The following DTYMK variants were observed in gnomAD, a reference collection of about 807,000 sequenced individuals.
DTYMK encodes deoxythymidylate kinase, also known as thymidylate kinase.
Under a neutral mutation model 20.3 loss-of-function variants are expected in DTYMK, and 20 were observed. The observed-to-expected ratio is 0.99, with a 90% CI of 0.69 to 1.43. DTYMK has a LOEUF of 1.43. DTYMK is among the 40% of genes most tolerant of loss of function. DTYMK has a pLI of 0.00. For missense variants in DTYMK, 320 were observed against 291.1 expected, an observed-to-expected ratio of 1.10 and a Z score of -0.72; for synonymous variants, 148 against 124.4, an observed-to-expected ratio of 1.19 and a Z score of -1.27.
At position 241,676,208 on chromosome 2, in the gene DTYMK, AG is replaced by A; in HGVS notation, c.557del (p.Ala186ValfsTer136). 1 of 1,612,816 alleles carries A rather than the reference AG, an allele frequency of 6.2e-7. No homozygotes were observed. The highest frequency in any genetic ancestry group is 8.5e-7 in the Non-Finnish European group (1 of 1,179,648). On this transcript the variant is annotated frameshift_variant, in exon 5 of 5. Transcript: ENST00000305784. LOFTEE classifies it low-confidence loss of function (END_TRUNC). ...KMVDASKSIE[A>X]VHEDIRVLSE... is the part of the protein sequence containing the mutation. ...AGAGCACGCGGATGTCCTCATGGACAGCTTCGATGCTTTTGGAAGCATCCAC... is the reference window on the plus strand; with the variant it reads ...AGAGCACGCGGATGTCCTCATGGACACTTCGATGCTTTTGGAAGCATCCAC...
intron 4 of DTYMK, among the ~76,000 whole-genome samples, chr2:241,677,327 C>T (rs113050389): frequency 0.025 from 3,838 of 152,310 alleles, 202 homozygotes; most frequent in East Asian, 0.17. Flanking sequence ...CCAGAACCGC[C>T]CAAGATGAGC....
At chr2:241,684,914 C>T (rs2069344817) in intron 2 of DTYMK, among the ~76,000 whole-genome samples, 1 of 151,852 alleles carries the variant, frequency 6.6e-6, no homozygotes. Context: ...GCTCTACATA[C>T]TCTACTTTTT....
intron 2 of DTYMK, among the ~76,000 whole-genome samples, chr2:241,681,670 C>T (rs1186502121): frequency 6.6e-6 from 1 of 152,230 alleles, no homozygotes; most frequent in Non-Finnish European, 1.5e-5. Context: ...ACCAAAGGCA[C>T]AGCCCATGAG....
At chr2:241,684,814 C>T in intron 2 of DTYMK, 1 of 436,146 alleles carries the variant, frequency 2.3e-6, no homozygotes. Context: ...ACTAATGTAT[C>T]AATATTGGTT....
In DTYMK at chr2:241,675,979, G is replaced by A. The variant is rs1194448367; in HGVS notation, c.*148C>T. On this transcript the variant is annotated 3_prime_UTR_variant, in exon 5 of 5. Coordinates refer to ENST00000305784, the MANE Select transcript of DTYMK (RefSeq NM_012145.4). ...GGTCCCCAGTGCACCCCAGCTCCGGGGCAGAAGAGGCAGCCTGCAGATCTC... is the reference window on the plus strand; with the variant it reads ...GGTCCCCAGTGCACCCCAGCTCCGGAGCAGAAGAGGCAGCCTGCAGATCTC... The A allele has an allele frequency of 7.8e-6, 6 of 767,050 alleles. No individual in the cohort carries two copies. The highest frequency in any genetic ancestry group is 1.2e-5 in the Non-Finnish European group (6 of 503,364). The allele number at this position is 767,050 out of a possible 1,614,324, so 47.5% of individuals were successfully genotyped here. A position where few individuals can be genotyped will look rare whatever the true frequency, so the allele number is the denominator to read the frequency against.
Position 241,678,637 on chromosome 2 carries a change from C to A in DTYMK, c.343G>T (p.Asp115Tyr), listed in dbSNP as rs1232647620. ...FTGAKENFSL[D>Y]WCKQPDVGLP... ...CCCACGTCTGGCTGTTTACACCAATCTAGGGAAAAATTCTGCCAAGAAAGA... is the reference window on the plus strand; with the variant it reads ...CCCACGTCTGGCTGTTTACACCAATATAGGGAAAAATTCTGCCAAGAAAGA... Residue 115 changes from aspartate to tyrosine, a missense_variant, in exon 4 of 5, where the codon GAT becomes TAT. Asp to Tyr is a radical substitution (Grantham distance 160, BLOSUM62 -3). Transcript: ENST00000305784. The A allele has an allele frequency of 2.5e-6, 4 of 1,613,866 alleles. No individual in the cohort carries two copies. The highest frequency in any genetic ancestry group is 3.4e-6 in the Non-Finnish European group (4 of 1,180,000).
At chr2:241,685,532 C>T (rs975490832) in intron 2 of DTYMK, 35 of 370,044 alleles carry the variant, frequency 9.5e-5, no homozygotes, top group African/African-American at 6.9e-4. Flanking sequence ...TAAAAAAACC[C>T]GAAAAACTGA....
intron 1 of DTYMK, 78 bp from the exon 2 acceptor site, chr2:241,685,955 T>G: frequency 7.0e-7 from 1 of 1,420,144 alleles, no homozygotes; most frequent in East Asian, 2.3e-5. Flanking sequence ...TTGGACTGAA[T>G]TTCTCCCGGA....
In DTYMK at chr2:241,678,720, G is replaced by A; in HGVS notation, c.331-71C>T. On this transcript the variant is annotated intron_variant, in intron 3 of 4. Transcript: ENST00000305784. Reference sequence around the variant, plus strand: ...TTTTGTTTCGAAAGTCGTAAAAACAGGAAAAAATGAGGGGACATTTGGTGA... The same window carrying A: ...TTTTGTTTCGAAAGTCGTAAAAACAAGAAAAAATGAGGGGACATTTGGTGA... 1.2e-5 allele frequency: 18 copies of A among 1,545,880 alleles called. No individual in the cohort carries two copies. In the Admixed American group the frequency reaches 1.8e-4, roughly 15 times the overall value.
intron 4 of DTYMK, 24 bp from the exon 5 acceptor site, chr2:241,676,261 GAA>G: frequency 1.1e-5 from 17 of 1,597,568 alleles, no homozygotes; most frequent in Non-Finnish European, 1.4e-5. Context: ...GGTTTCAGGA[GAA>G]AAAGAGGCTC....
At chr2:241,684,827 C>A (rs1467034705) in intron 2 of DTYMK, 3 of 431,050 alleles carry the variant, frequency 7.0e-6, no homozygotes, top group Non-Finnish European at 1.4e-5. Flanking sequence ...TATTGGTTAT[C>A]AATTTTAACA....
chr2:241,680,315 A>T lies in DTYMK; in HGVS notation c.244T>A (p.Leu82Ile), dbSNP rs773297781. 5.1e-5 allele frequency: 82 copies of T among 1,613,940 alleles called. No individual in the cohort carries two copies. The East Asian group carries it at 1.8e-3, about 36-fold the overall frequency. The change falls in exon 3 of 5, where the codon TTA becomes ATA. Residue 82 changes from leucine to isoleucine, a missense_variant. Leu to Ile is a conservative substitution (Grantham distance 5). Coordinates refer to ENST00000305784, the MANE Select transcript of DTYMK (RefSeq NM_012145.4). ...CCCTGGCTCAACTTTTCCTTAATTA[A>T]CGGCCTGAAAAAGAGGATGCTCCTG... is the stretch of plus-strand genomic sequence containing the variant. ...FSANRWEQVP[L>I]IKEKLSQGVT...
At chr2:241,680,570 G>A (rs2069234718) in intron 2 of DTYMK, among the ~76,000 whole-genome samples, 1 of 152,112 alleles carries the variant, frequency 6.6e-6, no homozygotes, top group East Asian at 1.9e-4. Flanking sequence ...CTACTCGGGA[G>A]GCTGAGGCAG....
chr2:241,677,141 T>G (rs1171290411), intron 4 of DTYMK, among the ~76,000 whole-genome samples: 6 of 152,240 alleles, frequency 3.9e-5, no homozygotes, highest in Non-Finnish European at 8.8e-5. Flanking sequence ...CACCGGACCC[T>G]TCTCAAGCTT....
intron 2 of DTYMK, chr2:241,684,641 T>TA (rs2069336958): frequency 4.8e-6 from 2 of 420,608 alleles, no homozygotes; most frequent in Non-Finnish European, 9.6e-6. Flanking sequence ...TCATTTATGT[T>TA]AAAAAACAAA....
chr2:241,686,424 C>T (rs1351600538), intron 1 of DTYMK, among the ~76,000 whole-genome samples: 1 of 151,788 alleles, frequency 6.6e-6, no homozygotes, highest in Admixed American at 6.6e-5. Context: ...TTCCCGGCTA[C>T]CCGGGAGGCT....
chr2:241,686,796 C>T lies in DTYMK; in HGVS notation c.-13G>A, dbSNP rs1022472985. 3 of 1,450,140 alleles carry T rather than the reference C, an allele frequency of 2.1e-6. No homozygotes were observed. Among genetic ancestry groups the T allele is most frequent in the Middle Eastern group, 2.1e-4 (1 of 4,788 alleles). 89.8% of individuals were successfully genotyped at this position (1,450,140 alleles called of 1,614,324 possible). Reference sequence around the variant, plus strand: ...GCCGGGCCGCCATGACTGTCCACCGCCCGCCGCTGGCGTCTCCACGCAGCC... The same window carrying T: ...GCCGGGCCGCCATGACTGTCCACCGTCCGCCGCTGGCGTCTCCACGCAGCC... On this transcript the variant is annotated 5_prime_UTR_variant, in exon 1 of 5. Transcript: ENST00000305784.
chr2:241,678,678 C>T, intron 3 of DTYMK, 29 bp from the exon 4 acceptor site: 7 of 1,611,460 alleles, frequency 4.3e-6, no homozygotes, highest in Non-Finnish European at 5.9e-6. Flanking sequence ...ACAGTTAAAG[C>T]TTAGTGTAGT....
chr2:241,676,472 C>T (rs1464275988), intron 4 of DTYMK, among the ~76,000 whole-genome samples: 1 of 152,192 alleles, frequency 6.6e-6, no homozygotes, highest in Non-Finnish European at 1.5e-5. Flanking sequence ...AAAACAACAC[C>T]ATGTTTCGTT....
Sources: gnomAD v4.1 joint callset for allele counts (sites outside exome capture counted in the v4.1 genomes callset) on GRCh38, gnomAD v4.1.1 for gene constraint, MANE v1.5 for transcripts, NCBI Gene and HGNC (gene_info 2026-07-23, HGNC 2026-07-21) for gene names.